The following CNTNAP2 variants were observed in gnomAD, a reference collection of about 807,000 sequenced individuals.
CNTNAP2 encodes contactin-associated protein-like 2.
Under a neutral mutation model 155.2 loss-of-function variants are expected in CNTNAP2, and 98 were observed. The ratio of observed to expected loss-of-function variants is 0.63; its 90% CI spans 0.54 to 0.75. The LOEUF is 0.75. CNTNAP2 is among the 30% of genes least tolerant of loss of function. The pLI is 0.00. For synonymous variants in CNTNAP2, 651 were observed against 631.2 expected (o/e 1.03, Z -0.47); for missense variants, 1,727 against 1,688.1 (o/e 1.02, Z -0.40).
Position 148,245,969 on chromosome 7 carries a change from G to A in CNTNAP2, c.3381+16190G>A, listed in dbSNP as rs1796254766. 2.0e-5 allele frequency among the ~76,000 whole-genome samples: 3 copies of A among 152,118 alleles called. No homozygotes were observed. In the South Asian group the frequency reaches 6.2e-4, roughly 32 times the overall value. The stretch of plus-strand genomic sequence containing the variant: ...ACTTCTGGAACGAGCTCCAAACATA[G>A]CATTAAAAAGCTTCAGTGTTTCCAG... On this transcript the variant is annotated intron_variant, in intron 20 of 23. Transcript: ENST00000361727.
At chr7:147,971,631 A>G (rs1801336448) in intron 14 of CNTNAP2, among the ~76,000 whole-genome samples, 1 of 152,130 alleles carries the variant, frequency 6.6e-6, no homozygotes, top group Non-Finnish European at 1.5e-5. Context: ...TTCAGATTTC[A>G]TTCCTCTTTA....
chr7:146,941,534 T>C (rs963831554), intron 3 of CNTNAP2, among the ~76,000 whole-genome samples: 1 of 152,134 alleles, frequency 6.6e-6, no homozygotes, highest in Middle Eastern at 3.2e-3. Context: ...ACACCGCCAT[T>C]ATAGTATGAA....
chr7:147,306,399 G>A (rs531755768), intron 9 of CNTNAP2, among the ~76,000 whole-genome samples: 4 of 152,256 alleles, frequency 2.6e-5, no homozygotes, highest in East Asian at 3.9e-4. Context: ...CTGGTCATAA[G>A]AATTTGATGG....
intron 13 of CNTNAP2, among the ~76,000 whole-genome samples, chr7:147,864,360 A>C (rs148637644): frequency 3.3e-5 from 5 of 151,798 alleles, no homozygotes; most frequent in Admixed American, 3.3e-4. Context: ...GTCAGGTAGC[A>C]TGATGCCTCC....
chr7:147,595,677 T>C (rs906854124), intron 12 of CNTNAP2, among the ~76,000 whole-genome samples: 6 of 152,196 alleles, frequency 3.9e-5, no homozygotes, highest in African/African-American at 9.7e-5. Flanking sequence ...TAGCACTTGA[T>C]CATTTGCGTG....
At chr7:146,687,858 T>C (rs1241625747) in intron 1 of CNTNAP2, among the ~76,000 whole-genome samples, 1 of 152,202 alleles carries the variant, frequency 6.6e-6, no homozygotes, top group Non-Finnish European at 1.5e-5. Flanking sequence ...TTTTGCAGTC[T>C]AGCACTGATG....
At chr7:147,048,176 G>A (rs779214139) in intron 4 of CNTNAP2, among the ~76,000 whole-genome samples, 2 of 145,954 alleles carry the variant, frequency 1.4e-5, no homozygotes, top group East Asian at 4.3e-4. Flanking sequence ...CCGGGTTCAC[G>A]CCATTCTCCT....
intron 12 of CNTNAP2, among the ~76,000 whole-genome samples, chr7:147,624,537 G>T (rs977085489): frequency 6.6e-6 from 1 of 152,120 alleles, no homozygotes; most frequent in African/African-American, 2.4e-5. Flanking sequence ...ATCAGAAAAT[G>T]CAAATCAAAA....
chr7:146,644,685 A>G (rs1799778424), intron 1 of CNTNAP2, among the ~76,000 whole-genome samples: 2 of 152,204 alleles, frequency 1.3e-5, no homozygotes, highest in Non-Finnish European at 2.9e-5. Context: ...AACTACCATC[A>G]GAGAATACTA....
At chr7:147,593,988 T>C (rs1040073649) in intron 12 of CNTNAP2, among the ~76,000 whole-genome samples, 1 of 152,180 alleles carries the variant, frequency 6.6e-6, no homozygotes, top group Non-Finnish European at 1.5e-5. Flanking sequence ...TGTTCTAATA[T>C]CTGCTTTGAA....
At chr7:147,616,735 ATTTG>A (rs982741563) in intron 12 of CNTNAP2, among the ~76,000 whole-genome samples, 40 of 152,138 alleles carry the variant, frequency 2.6e-4, no homozygotes, top group African/African-American at 6.3e-4. Context: ...CGTGTTAGAT[ATTTG>A]TTTGTTTTCT....
intron 8 of CNTNAP2, among the ~76,000 whole-genome samples, chr7:147,242,277 C>A (rs1183962271): frequency 2.0e-5 from 3 of 152,168 alleles, no homozygotes; most frequent in African/African-American, 7.2e-5. Context: ...AAGAAATACT[C>A]AAATTTTTAA....
At chr7:148,209,718 G>A (rs1223356793) in intron 18 of CNTNAP2, among the ~76,000 whole-genome samples, 2 of 152,138 alleles carry the variant, frequency 1.3e-5, no homozygotes, top group Non-Finnish European at 2.9e-5. Flanking sequence ...GCCAGAATGA[G>A]CTTTCAAAAC....
chr7:146,888,993 A>C (rs1795727142), intron 3 of CNTNAP2, among the ~76,000 whole-genome samples: 1 of 152,122 alleles, frequency 6.6e-6, no homozygotes, highest in Non-Finnish European at 1.5e-5. Flanking sequence ...TCTTAACCAC[A>C]GAGACACACA....
chr7:147,791,016 C>G (rs1584956717), intron 13 of CNTNAP2, among the ~76,000 whole-genome samples: 2 of 152,222 alleles, frequency 1.3e-5, no homozygotes, highest in East Asian at 3.8e-4. Flanking sequence ...ATTCAGTTCT[C>G]TCTTGTAAAG....
intron 1 of CNTNAP2, among the ~76,000 whole-genome samples, chr7:146,609,492 C>T (rs1799100424): frequency 1.3e-5 from 2 of 152,284 alleles, no homozygotes; most frequent in South Asian, 4.1e-4. Flanking sequence ...ACTATATCTA[C>T]ATTTGAAAAT....
intron 7 of CNTNAP2, among the ~76,000 whole-genome samples, chr7:147,131,245 C>T (rs1456977709): frequency 1.3e-5 from 2 of 150,646 alleles, no homozygotes; most frequent in African/African-American, 2.4e-5. Context: ...ATACCATATA[C>T]ATATACCATA....
chr7:148,122,997 C>A (rs1007499070), intron 16 of CNTNAP2, among the ~76,000 whole-genome samples: 2 of 152,084 alleles, frequency 1.3e-5, no homozygotes, highest in African/African-American at 2.4e-5. Context: ...AGTGGGGCAC[C>A]TTTCATGAAG....
chr7:147,991,830 C>A (rs1801715331), intron 15 of CNTNAP2, among the ~76,000 whole-genome samples: 1 of 152,168 alleles, frequency 6.6e-6, no homozygotes, highest in Non-Finnish European at 1.5e-5. Context: ...GAGCTATAAA[C>A]TACCTCACTC....
Sources: gnomAD v4.1 joint callset for allele counts (sites outside exome capture counted in the v4.1 genomes callset) on GRCh38, gnomAD v4.1.1 for gene constraint, MANE v1.5 for transcripts, NCBI Gene and HGNC (gene_info 2026-07-23, HGNC 2026-07-21) for gene names.